The following VRK2 variants were observed in gnomAD, a reference collection of about 807,000 sequenced individuals.
VRK2 encodes the protein VRK serine/threonine kinase 2.
Under a neutral mutation model 57.6 loss-of-function variants are expected in VRK2, and 60 were observed. The ratio of observed to expected loss-of-function variants is 1.04; its 90% CI spans 0.85 to 1.29. The LOEUF is 1.29. Ranked by LOEUF, VRK2 falls within the 50% of genes most tolerant of loss-of-function variation. VRK2 has a pLI of 0.00. For synonymous variants in VRK2, 231 were observed against 199.2 expected, an observed-to-expected ratio of 1.16 and a Z score of -1.35; for missense variants, 705 against 588.1, an observed-to-expected ratio of 1.20 and a Z score of -2.06.
intron 6 of VRK2, 117 bp downstream of exon 6, chr2:58,088,563 A>G: frequency 1.3e-6 from 1 of 796,642 alleles, no homozygotes; most frequent in Non-Finnish European, 2.1e-6. Context: ...TAGAGACATC[A>G]GTTATTAGGA....
intron 7 of VRK2, among the ~76,000 whole-genome samples, chr2:58,104,223 A>G (rs1674422419): frequency 6.6e-6 from 1 of 151,848 alleles, no homozygotes; most frequent in Non-Finnish European, 1.5e-5. Flanking sequence ...GCATTCATGC[A>G]AGAGAAAGAA....
intron 1 of VRK2, among the ~76,000 whole-genome samples, chr2:57,962,326 C>T (rs985331464): frequency 2.6e-5 from 4 of 152,130 alleles, no homozygotes; most frequent in African/African-American, 9.7e-5. Context: ...TATGATCAAC[C>T]TCAGGGTCCA....
At chr2:58,091,119 T>G (rs1558623783) in intron 7 of VRK2, among the ~76,000 whole-genome samples, 1 of 152,204 alleles carries the variant, frequency 6.6e-6, no homozygotes. Context: ...CTATTCTGCA[T>G]GATACCATAA....
intron 1 of VRK2, among the ~76,000 whole-genome samples, chr2:57,946,005 G>A (rs944864344): frequency 1.3e-5 from 2 of 152,034 alleles, no homozygotes; most frequent in African/African-American, 4.8e-5. Flanking sequence ...CAGATGAAAA[G>A]GATTTGGTAT....
chr2:58,087,383 G>A (rs1671779293), intron 5 of VRK2, among the ~76,000 whole-genome samples: 1 of 152,100 alleles, frequency 6.6e-6, no homozygotes, highest in East Asian at 1.9e-4. Flanking sequence ...GTCATATGTA[G>A]CCCATTAAAG....
chr2:57,911,888 T>C (rs931599797), intron 1 of VRK2, among the ~76,000 whole-genome samples: 3 of 152,198 alleles, frequency 2.0e-5, no homozygotes, highest in Admixed American at 6.5e-5. Flanking sequence ...ACATTATGTA[T>C]AAGACTTAAT....
At chr2:58,095,236 G>C (rs1672967151) in intron 7 of VRK2, among the ~76,000 whole-genome samples, 1 of 150,500 alleles carries the variant, frequency 6.6e-6, no homozygotes, top group African/African-American at 2.5e-5. Flanking sequence ...GGAGCTTGCA[G>C]TGAGCCAAGA....
chr2:57,978,918 C>T (rs1482106685), intron 1 of VRK2, among the ~76,000 whole-genome samples: 1 of 150,750 alleles, frequency 6.6e-6, no homozygotes, highest in African/African-American at 2.5e-5. Context: ...TTTTCTGTTC[C>T]TGTGTTAGTT....
rs201931749 is a variant in VRK2 at position 58,088,465 on chromosome 2, G to A, written c.450+19G>A. 83 of 1,524,078 alleles carry A rather than the reference G, an allele frequency of 5.4e-5. No homozygotes were observed. In the African/African-American group the frequency reaches 8.8e-4, roughly 16 times the overall value. The allele number at this position is 1,524,078 out of a possible 1,614,324, so 94.4% of individuals were successfully genotyped here. A position where few individuals can be genotyped will look rare whatever the true frequency, so the allele number is the denominator to read the frequency against. On this transcript the variant is annotated intron_variant, in intron 6 of 12. Transcript: ENST00000340157. ...CCGAATGGTAAGAATTACTTATTTCGCATGCTCCATTTCCAAATTGTTTAC... is the reference window on the plus strand; with the variant it reads ...CCGAATGGTAAGAATTACTTATTTCACATGCTCCATTTCCAAATTGTTTAC...
intron 12 of VRK2, among the ~76,000 whole-genome samples, chr2:58,157,440 T>TATC (rs1684081748): frequency 6.6e-6 from 1 of 152,158 alleles, no homozygotes; most frequent in Non-Finnish European, 1.5e-5. Context: ...GTGTCAATAG[T>TATC]ATCTCCTCCT....
chr2:58,131,823 G>C lies in VRK2; in HGVS notation c.692G>C (p.Ser231Thr). Residue 231 changes from serine (S) to threonine (T), a missense_variant, in exon 9 of 13, where the codon AGT (serine) becomes ACT (threonine). Ser to Thr is a moderately conservative substitution (Grantham distance 58). Transcript: ENST00000340157. Reference protein sequence around the residue: ...AHKGVALSRRSDVEILGYCML... With the variant: ...AHKGVALSRRTDVEILGYCML... ...ACTCCTATAGCCTTGTCCAGACGAA[G>C]TGACGTTGAGATCCTCGGCTACTGC... The C allele has an allele frequency of 1.9e-6, 3 of 1,613,014 alleles. 1 individual carries two copies. The highest frequency in any genetic ancestry group is 1.7e-4 in the Middle Eastern group (1 of 6,046).
chr2:57,908,735 T>C (rs564001504), intron 1 of VRK2, among the ~76,000 whole-genome samples: 70 of 152,280 alleles, frequency 4.6e-4, no homozygotes, highest in African/African-American at 1.7e-3. Context: ...AAAGTAGTTT[T>C]TAATGAGGCC....
chr2:58,111,015 T>C (rs764779404), intron 7 of VRK2, among the ~76,000 whole-genome samples: 1 of 152,126 alleles, frequency 6.6e-6, no homozygotes, highest in African/African-American at 2.4e-5. Flanking sequence ...TCCTTACAAG[T>C]AAAGGGCCGC....
intron 2 of VRK2, among the ~76,000 whole-genome samples, chr2:58,060,066 A>G (rs193137123): frequency 6.6e-6 from 1 of 151,988 alleles, no homozygotes; most frequent in East Asian, 1.9e-4. Context: ...TAGTTATGTA[A>G]ACCTTTTATC....
At chr2:58,113,030 G>C (rs1473799885) in intron 7 of VRK2, among the ~76,000 whole-genome samples, 1 of 152,080 alleles carries the variant, frequency 6.6e-6, no homozygotes, top group Non-Finnish European at 1.5e-5. Context: ...GCATTTCTAG[G>C]CCAGGCACAG....
intron 1 of VRK2, among the ~76,000 whole-genome samples, chr2:57,910,516 T>C (rs1032550324): frequency 6.6e-6 from 1 of 152,228 alleles, no homozygotes; most frequent in African/African-American, 2.4e-5. Flanking sequence ...AAGCCTGTAA[T>C]ATTTGCCATC....
intron 1 of VRK2, among the ~76,000 whole-genome samples, chr2:57,970,299 G>T (rs12622856): frequency 0.038 from 5,686 of 150,818 alleles, 283 homozygotes; most frequent in East Asian, 0.27. Context: ...AGAATTTTCT[G>T]AAATGGACAT....
chr2:58,076,361 C>G (rs1377033223), intron 2 of VRK2, among the ~76,000 whole-genome samples: 1 of 151,978 alleles, frequency 6.6e-6, no homozygotes, highest in African/African-American at 2.4e-5. Context: ...TGGGCAAAAT[C>G]ATCTAACACA....
At chr2:58,011,199 A>G (rs1268982366) in intron 1 of VRK2, among the ~76,000 whole-genome samples, 1 of 152,254 alleles carries the variant, frequency 6.6e-6, no homozygotes, top group Non-Finnish European at 1.5e-5. Flanking sequence ...AAGAGCAGCA[A>G]CTTTCCTTCA....
Sources: gnomAD v4.1 joint callset for allele counts (sites outside exome capture counted in the v4.1 genomes callset) on GRCh38, gnomAD v4.1.1 for gene constraint, MANE v1.5 for transcripts, NCBI Gene and HGNC (gene_info 2026-07-23, HGNC 2026-07-21) for gene names.